The following XKR9 variants were observed in gnomAD, a reference collection of about 807,000 sequenced individuals.
XKR9 encodes XK related 9.
XKR9 carries 32 observed loss-of-function variants against 32.0 expected under a neutral mutation model. That is an observed-to-expected ratio of 1.00 (90% confidence interval 0.76 to 1.34). The LOEUF (loss-of-function observed/expected upper bound fraction) is 1.34. Among genes scored for constraint, XKR9 ranks in the 40% most tolerant of loss-of-function variants. XKR9 has a pLI of 0.00. For synonymous variants in XKR9, 168 were observed against 143.4 expected (o/e 1.17, Z -1.22); for missense variants, 546 against 429.7 (o/e 1.27, Z -2.39).
the XKR9 span, among the ~76,000 whole-genome samples, chr8:70,901,976 G>C: frequency 1.3e-5 from 2 of 152,042 alleles, no homozygotes; most frequent in South Asian, 4.2e-4. Context: ...TGTAGATGTG[G>C]GGTATTATTT....
intron 4 of XKR9, among the ~76,000 whole-genome samples, chr8:70,713,885 A>G (rs1203686354): frequency 6.6e-6 from 1 of 152,160 alleles, no homozygotes; most frequent in Admixed American, 6.6e-5. Context: ...GGGCGGCCAT[A>G]CAGAATACTA....
At chr8:70,997,849 T>G in the XKR9 span, among the ~76,000 whole-genome samples, 30 of 152,296 alleles carry the variant, frequency 2.0e-4, no homozygotes, top group Middle Eastern at 3.4e-3. Flanking sequence ...AAATATTAAC[T>G]TTTCTTCCCT....
chr8:70,909,117 A>G, the XKR9 span, among the ~76,000 whole-genome samples: 2 of 152,116 alleles, frequency 1.3e-5, no homozygotes, highest in African/African-American at 4.8e-5. Context: ...TTTTCAGTCC[A>G]GATTCTCACT....
intron 2 of XKR9, among the ~76,000 whole-genome samples, chr8:70,779,552 T>G (rs1807586731): frequency 6.6e-6 from 1 of 152,218 alleles, no homozygotes; most frequent in South Asian, 2.1e-4. Flanking sequence ...TTTGTACCTC[T>G]GGTAGAATTC....
the XKR9 span, among the ~76,000 whole-genome samples, chr8:71,015,377 C>T: frequency 5.9e-5 from 9 of 152,086 alleles, no homozygotes; most frequent in African/African-American, 4.8e-5. Context: ...TCCCCACTTG[C>T]GGGCAGATAG....
intron 2 of XKR9, among the ~76,000 whole-genome samples, chr8:70,784,218 A>T (rs1474584773): frequency 6.6e-6 from 1 of 151,906 alleles, no homozygotes; most frequent in African/African-American, 2.4e-5. Context: ...TTTTAGGATT[A>T]TTTTTTCCAT....
At chr8:70,669,639 T>TGTG (rs1563411666) in intron 1 of XKR9, 101 bp downstream of exon 1, 209 of 91,066 alleles carry the variant, frequency 2.3e-3, no homozygotes, top group African/African-American at 7.7e-3. Flanking sequence ...TGTGTGTGTG[T>TGTG]AGTAGTAGTA....
rs145102781 is a variant in XKR9 at position 70,730,649 on chromosome 8, CAG to C, written c.494-3145_494-3144del. ...GAAAGGAAAATTCAAGACAGGAACT[CAG>C]AAGCGATTGTTGAGGGGAAGAAAAC... On this transcript the variant is annotated intron_variant, in intron 4 of 4. Coordinates refer to ENST00000408926, the MANE Select transcript of XKR9 (RefSeq NM_001011720.2). 6.1e-3 allele frequency among the ~76,000 whole-genome samples: 926 copies of C among 152,150 alleles called. 10 individuals are homozygous for C. Among genetic ancestry groups the C allele is most frequent in the African/African-American group, 0.021 (883 of 41,510 alleles).
chr8:70,849,210 G>A, the XKR9 span, among the ~76,000 whole-genome samples: 1 of 151,986 alleles, frequency 6.6e-6, no homozygotes, highest in Admixed American at 6.6e-5. Context: ...ACACTCCTCA[G>A]CAAATACAAA....
At chr8:70,880,119 G>A in the XKR9 span, among the ~76,000 whole-genome samples, 1 of 152,052 alleles carries the variant, frequency 6.6e-6, no homozygotes, top group Non-Finnish European at 1.5e-5. Context: ...TTAATGGAAT[G>A]TATCTCAAAT....
At chr8:70,759,435 A>T (rs1807276384) in intron 2 of XKR9, among the ~76,000 whole-genome samples, 1 of 152,068 alleles carries the variant, frequency 6.6e-6, no homozygotes, top group Non-Finnish European at 1.5e-5. Context: ...CATGCAGATG[A>T]TTTTCCTCCT....
At chr8:70,935,957 T>A in the XKR9 span, among the ~76,000 whole-genome samples, 1 of 152,044 alleles carries the variant, frequency 6.6e-6, no homozygotes, top group Non-Finnish European at 1.5e-5. Flanking sequence ...TTCTAACTAG[T>A]GCTAATTTAT....
the XKR9 span, among the ~76,000 whole-genome samples, chr8:71,013,282 C>T: frequency 1.3e-5 from 2 of 152,186 alleles, no homozygotes; most frequent in East Asian, 1.9e-4. Flanking sequence ...GAGCCACAAT[C>T]CCAGCAGGGA....
intron 3 of XKR9, among the ~76,000 whole-genome samples, chr8:70,692,764 G>C (rs908549578): frequency 6.6e-6 from 1 of 151,980 alleles, no homozygotes. Context: ...ATTTTCAGTA[G>C]AGACGGGGTT....
chr8:70,782,681 T>G (rs557911251), intron 2 of XKR9, among the ~76,000 whole-genome samples: 2 of 152,296 alleles, frequency 1.3e-5, no homozygotes, highest in East Asian at 3.9e-4. Context: ...AGGATTTGTC[T>G]TTCTTTGCCT....
intron 4 of XKR9, among the ~76,000 whole-genome samples, chr8:70,716,815 C>T (rs756739242): frequency 2.0e-5 from 3 of 152,158 alleles, no homozygotes; most frequent in Non-Finnish European, 4.4e-5. Context: ...ACCTAAAAGT[C>T]CAAGTCTGAA....
chr8:70,714,336 A>G (rs1294592404), intron 4 of XKR9, among the ~76,000 whole-genome samples: 1 of 152,094 alleles, frequency 6.6e-6, no homozygotes, highest in Non-Finnish European at 1.5e-5. Context: ...AATAAATTAC[A>G]GCAAATTACA....
At chr8:70,811,396 C>G in the XKR9 span, among the ~76,000 whole-genome samples, 1 of 152,074 alleles carries the variant, frequency 6.6e-6, no homozygotes, top group Non-Finnish European at 1.5e-5. Context: ...GAAGCAAGAG[C>G]AAACACATTC....
intron 2 of XKR9, among the ~76,000 whole-genome samples, chr8:70,751,213 C>T (rs919448554): frequency 7.2e-5 from 11 of 152,128 alleles, no homozygotes; most frequent in Admixed American, 1.3e-4. Flanking sequence ...CTGCAGCCTC[C>T]GCCTCCTGGG....
Sources: allele counts gnomAD v4.1 joint callset (sites outside exome capture counted in the v4.1 genomes callset), GRCh38; gene constraint gnomAD v4.1.1; transcripts MANE v1.5; gene names NCBI Gene and HGNC (gene_info 2026-07-23, HGNC 2026-07-21).